Variants in NF1 observed in about 807,000 individuals in gnomAD.
NF1 encodes neurofibromin.
Under a neutral mutation model 325.7 loss-of-function variants are expected in NF1, and 122 were observed. The ratio of observed to expected loss-of-function variants is 0.37; its 90% confidence interval spans 0.32 to 0.44. The LOEUF (loss-of-function observed/expected upper bound fraction) is 0.44. Ranked by LOEUF, NF1 falls within the 20% of genes least tolerant of loss-of-function variation. The pLI, the probability that NF1 is intolerant of heterozygous loss-of-function variation, is 1.00. For synonymous variants in NF1, 1,091 were observed against 1,186.0 expected, an observed-to-expected ratio of 0.92 and a Z score of 1.65; for missense variants, 2,140 against 3,415.4, an observed-to-expected ratio of 0.63 and a Z score of 9.31.
At chr17:31,116,230 T>G (rs535853847) in intron 1 of NF1, among the ~76,000 whole-genome samples, 4 of 152,340 alleles carry the variant, frequency 2.6e-5, no homozygotes, top group African/African-American at 7.2e-5. Flanking sequence ...TTAACATTTC[T>G]CATAGTTGGC....
intron 36 of NF1, among the ~76,000 whole-genome samples, chr17:31,309,415 T>G (rs2151514802): frequency 6.6e-6 from 1 of 152,308 alleles, no homozygotes; most frequent in South Asian, 2.1e-4. Context: ...AAGGGAAAAT[T>G]TGAACACTTT....
At chr17:31,333,594 CA>C (rs2069562042) in intron 39 of NF1, among the ~76,000 whole-genome samples, 2 of 152,038 alleles carry the variant, frequency 1.3e-5, no homozygotes, top group African/African-American at 4.8e-5. Flanking sequence ...AAAAAATGAA[CA>C]GGCCAAAAGT....
chr17:31,186,366 A>G (rs2066239348), intron 8 of NF1, among the ~76,000 whole-genome samples: 1 of 152,222 alleles, frequency 6.6e-6, no homozygotes, highest in Non-Finnish European at 1.5e-5. Flanking sequence ...CTGCAGCACT[A>G]CAGCCCCTTT....
rs1485289021 is a variant in NF1 at position 31,163,002 on chromosome 17, TTATTAA to T, written c.289-183_289-178del. Among the ~76,000 whole-genome samples the T allele has an allele frequency of 2.6e-5, 4 of 152,122 alleles. No homozygotes were observed. The East Asian group carries it at 5.8e-4, about 22-fold the overall frequency. On this transcript the variant is annotated intron_variant, in intron 3 of 57. Coordinates refer to ENST00000358273, the MANE Select transcript of NF1 (RefSeq NM_001042492.3). ...GGGGTCAGAGATGGAACCATCCTCT[TTATTAA>T]ACTATCTATAGACAGATGTAGCAAA...
intron 36 of NF1, among the ~76,000 whole-genome samples, chr17:31,302,353 C>T (rs2068593018): frequency 6.6e-6 from 1 of 151,716 alleles, no homozygotes; most frequent in African/African-American, 2.4e-5. Context: ...TAAAAAGGGG[C>T]AAAAATGTGG....
At chr17:31,165,579 G>T (rs140768910) in intron 4 of NF1, among the ~76,000 whole-genome samples, 1 of 152,186 alleles carries the variant, frequency 6.6e-6, no homozygotes, top group South Asian at 2.1e-4. Context: ...GTATCATGAA[G>T]ATGTTTCGTG....
intron 36 of NF1, among the ~76,000 whole-genome samples, chr17:31,283,139 C>T (rs904324468): frequency 2.6e-5 from 4 of 152,088 alleles, no homozygotes; most frequent in East Asian, 1.9e-4. Context: ...AAACTAAGTC[C>T]GGACGCAGTG....
chr17:31,370,023 T>C (rs1381929784), intron 57 of NF1, among the ~76,000 whole-genome samples: 2 of 152,192 alleles, frequency 1.3e-5, no homozygotes, highest in Non-Finnish European at 2.9e-5. Context: ...TTAATGACTT[T>C]CCAAGATTTT....
At chr17:31,120,859 G>T (rs1430018310) in intron 1 of NF1, among the ~76,000 whole-genome samples, 3 of 151,198 alleles carry the variant, frequency 2.0e-5, no homozygotes, top group East Asian at 3.9e-4. Flanking sequence ...TAAGAATCCA[G>T]TGTAATTTGT....
In NF1 at chr17:31,225,185, G is replaced by T. The variant is rs142079728; in HGVS notation, c.1936G>T (p.Asp646Tyr). 1.9e-6 allele frequency: 3 copies of T among 1,613,682 alleles called. No homozygotes were observed. In the African/African-American group the frequency reaches 4.0e-5, roughly 22 times the overall value. The change falls in exon 17 of 58, where the codon GAT (aspartate) becomes TAT (tyrosine). Residue 646 changes from aspartate to tyrosine, a missense_variant. Asp to Tyr is a radical substitution (Grantham distance 160). Around this residue, in one of 10 missense-constraint regions of NF1, gnomAD observed 45 missense variants for 42.5 expected, o/e 1.06. Transcript: ENST00000358273. Reference sequence around the variant, plus strand: ...TGGAAATACCAGTCAAATGTCCATGGATCATGAAGAATTACTACGTACTCC... The same window carrying T: ...TGGAAATACCAGTCAAATGTCCATGTATCATGAAGAATTACTACGTACTCC... ...SSGNTSQMSM[D>Y]HEELLRTPGA... is the part of the protein sequence containing the mutation.
intron 31 of NF1, chr17:31,253,675 ATC>A (rs1449629136): frequency 3.9e-5 from 6 of 152,328 alleles, no homozygotes; most frequent in African/African-American, 1.4e-4. Context: ...TGAATATACT[ATC>A]TGCTTCTATG....
intron 36 of NF1, among the ~76,000 whole-genome samples, chr17:31,285,575 T>C (rs994440705): frequency 4.6e-5 from 7 of 152,136 alleles, no homozygotes; most frequent in African/African-American, 1.4e-4. Context: ...CTGCTGGACA[T>C]GGGGGCTCAC....
intron 35 of NF1, 109 bp from the exon 36 acceptor site, chr17:31,265,120 T>A (rs1415136442): frequency 1.2e-6 from 1 of 823,582 alleles, no homozygotes; most frequent in East Asian, 2.9e-5. Context: ...CTGTTGCTTT[T>A]AAAATATTTT....
Position 31,213,872 on chromosome 17 carries a change from C to T in NF1, c.1393-579C>T, listed in dbSNP as rs527622092. ...TTAAACTAGTAAATACAAAGATTGC[C>T]TACATGTTTCATTAATTCTAAGAAG... is the stretch of plus-strand genomic sequence containing the variant. On this transcript the variant is annotated intron_variant, in intron 12 of 57. Transcript: ENST00000358273. Among the ~76,000 whole-genome samples, 161 of 152,160 alleles carry T rather than the reference C, an allele frequency of 1.1e-3. No individual in the cohort carries two copies. The highest frequency in any genetic ancestry group is 3.5e-3 in the African/African-American group (144 of 41,550).
intron 57 of NF1, among the ~76,000 whole-genome samples, chr17:31,368,029 C>CT (rs1380687362): frequency 6.6e-6 from 1 of 152,022 alleles, no homozygotes; most frequent in Non-Finnish European, 1.5e-5. Flanking sequence ...ACATTTATGT[C>CT]TAATTTATAA....
At chr17:31,167,512 A>G (rs1302302587) in intron 4 of NF1, among the ~76,000 whole-genome samples, 1 of 152,246 alleles carries the variant, frequency 6.6e-6, no homozygotes, top group Non-Finnish European at 1.5e-5. Flanking sequence ...GTTAATACAT[A>G]TAAATTATAA....
chr17:31,246,915 G>A (rs1019249829), intron 29 of NF1, among the ~76,000 whole-genome samples: 2 of 152,008 alleles, frequency 1.3e-5, no homozygotes, highest in African/African-American at 4.8e-5. Context: ...AGCAACACTG[G>A]GCCGGGCACG....
chr17:31,212,931 T>G (rs1377605996), intron 12 of NF1, among the ~76,000 whole-genome samples: 1 of 152,216 alleles, frequency 6.6e-6, no homozygotes, highest in Non-Finnish European at 1.5e-5. Context: ...TGTTACATAT[T>G]GTCTATCATT....
At chr17:31,213,521 G>A (rs1278779374) in intron 12 of NF1, among the ~76,000 whole-genome samples, 1 of 152,146 alleles carries the variant, frequency 6.6e-6, no homozygotes, top group Non-Finnish European at 1.5e-5. Context: ...TTGGTACACA[G>A]TCTTGTTATT....
Sources: allele counts gnomAD v4.1 joint callset (sites outside exome capture counted in the v4.1 genomes callset), GRCh38; gene constraint gnomAD v4.1.1; regional missense constraint gnomAD v4.1.1; transcripts MANE v1.5; gene names NCBI Gene and HGNC (gene_info 2026-07-23, HGNC 2026-07-21).